Variants in SCAPER observed in about 807,000 individuals in gnomAD.
SCAPER encodes S phase cyclin A-associated protein in the endoplasmic reticulum.
A neutral mutation model predicts 182.2 loss-of-function variants in SCAPER; 98 were observed. The ratio of observed to expected loss-of-function variants is 0.54; its 90% CI spans 0.46 to 0.64. The LOEUF is 0.64. Ranked by LOEUF, SCAPER falls within the 30% of genes least tolerant of loss-of-function variation. The probability of loss-of-function intolerance (pLI) is 0.00; values close to 1 mark genes in which losing one functional copy is unlikely to be tolerated. For synonymous variants in SCAPER, 605 were observed against 564.6 expected, an observed-to-expected ratio of 1.07 and a Z score of -1.01; for missense variants, 1,432 against 1,690.0, an observed-to-expected ratio of 0.85 and a Z score of 2.68.
intron 21 of SCAPER, among the ~76,000 whole-genome samples, chr15:76,652,489 C>T (rs2055233643): frequency 1.1e-5 from 1 of 93,068 alleles, no homozygotes; most frequent in South Asian, 4.0e-4. Flanking sequence ...CGTGTCTTTG[C>T]TAAATATATA....
In SCAPER at chr15:76,365,391, G is replaced by C. The variant is rs145921923; in HGVS notation, c.3855+10771C>G. On this transcript the variant is annotated intron_variant, in intron 29 of 31. Transcript: ENST00000563290. ...TAGGGCCTCTTTTTCCTTCTTTCATGTTGTCTATTCTGTGAGAAGAGTTAC... is the reference window on the plus strand; with the variant it reads ...TAGGGCCTCTTTTTCCTTCTTTCATCTTGTCTATTCTGTGAGAAGAGTTAC... 4.6e-3 allele frequency among the ~76,000 whole-genome samples: 703 copies of C among 152,280 alleles called. 27 individuals carry two copies. Among genetic ancestry groups the C allele is most frequent in the Admixed American group, 0.04 (613 of 15,298 alleles).
chr15:76,615,234 C>T (rs140483369), intron 22 of SCAPER, among the ~76,000 whole-genome samples: 218 of 151,870 alleles, frequency 1.4e-3, no homozygotes, highest in Non-Finnish European at 2.3e-3. Context: ...TGCTTGAGCC[C>T]AGGAGTTCAA....
At chr15:76,564,172 C>T (rs1252211700) in intron 23 of SCAPER, among the ~76,000 whole-genome samples, 1 of 152,012 alleles carries the variant, frequency 6.6e-6, no homozygotes. Context: ...CCAGGGCAAT[C>T]AGGCAAGAGA....
chr15:76,849,017 C>T (rs1404988530), intron 4 of SCAPER, among the ~76,000 whole-genome samples: 1 of 152,170 alleles, frequency 6.6e-6, no homozygotes, highest in African/African-American at 2.4e-5. Context: ...AGTGCTATCC[C>T]TCCTGCCCTT....
chr15:76,370,310 T>TTGTTTTG (rs1555414225), intron 29 of SCAPER, among the ~76,000 whole-genome samples: 54 of 137,350 alleles, frequency 3.9e-4, no homozygotes, highest in Admixed American at 2.3e-3. Flanking sequence ...TTTTTTTTTT[T>TTGTTTTG]TTTTTTGTTT....
intron 24 of SCAPER, among the ~76,000 whole-genome samples, chr15:76,490,595 C>T (rs2052199034): frequency 6.6e-6 from 1 of 152,040 alleles, no homozygotes; most frequent in African/African-American, 2.4e-5. Flanking sequence ...TGTAGATTGC[C>T]TTTTCATTCT....
chr15:76,500,515 T>A (rs1310853169), intron 24 of SCAPER, among the ~76,000 whole-genome samples: 1 of 152,144 alleles, frequency 6.6e-6, no homozygotes, highest in African/African-American at 2.4e-5. Flanking sequence ...GAGGGCCAGT[T>A]TAGTGCCACC....
At chr15:76,650,544 G>T (rs1369967829) in intron 21 of SCAPER, among the ~76,000 whole-genome samples, 3 of 151,828 alleles carry the variant, frequency 2.0e-5, no homozygotes, top group African/African-American at 7.2e-5. Flanking sequence ...AAACCTGAAG[G>T]AAGAAAATTT....
chr15:76,789,553 A>T (rs781558139), intron 8 of SCAPER, among the ~76,000 whole-genome samples: 1 of 152,206 alleles, frequency 6.6e-6, no homozygotes, highest in African/African-American at 2.4e-5. Context: ...CAAACTAGGA[A>T]CTATAACTTA....
chr15:76,524,689 GTTTTTTTTTTTTTTT>G (rs35944222), intron 23 of SCAPER, among the ~76,000 whole-genome samples: 43 of 50,120 alleles, frequency 8.6e-4, no homozygotes, highest in African/African-American at 3.5e-3. Context: ...TTTTTGTTCT[GTTTTTTTTTTTTTTT>G]TTTTTTTTTT....
intron 26 of SCAPER, among the ~76,000 whole-genome samples, chr15:76,407,381 TG>T (rs1256265544): frequency 6.6e-6 from 1 of 152,218 alleles, no homozygotes; most frequent in East Asian, 1.9e-4. Flanking sequence ...ATATGTGGTC[TG>T]TTGTTGACTA....
intron 10 of SCAPER, among the ~76,000 whole-genome samples, chr15:76,768,009 C>T (rs556320383): frequency 3.9e-5 from 6 of 152,058 alleles, no homozygotes; most frequent in South Asian, 4.1e-4. Context: ...TTCATCAAGA[C>T]GACAAAACAG....
Position 76,497,782 on chromosome 15 carries a change from C to G in SCAPER, c.2954+7077G>C, listed in dbSNP as rs573532911. ...CCGAGGTGGGTGGATCATGAGGTCA[C>G]GAGATCGAGACCAGCCTGACCAACA... On this transcript the variant is annotated intron_variant, in intron 24 of 31. Transcript: ENST00000563290. Among the ~76,000 whole-genome samples the G allele has an allele frequency of 9.7e-4, 147 of 151,578 alleles. 3 individuals carry two copies. The highest frequency in any genetic ancestry group is 3.4e-3 in the Middle Eastern group (1 of 292).
intron 25 of SCAPER, among the ~76,000 whole-genome samples, chr15:76,461,674 G>A (rs1053801449): frequency 6.6e-6 from 1 of 152,090 alleles, no homozygotes; most frequent in Non-Finnish European, 1.5e-5. Flanking sequence ...TCATAAAGTT[G>A]TTTTAATATC....
At chr15:76,567,370 G>C (rs1047945317) in intron 23 of SCAPER, 10 of 454,144 alleles carry the variant, frequency 2.2e-5, no homozygotes, top group Non-Finnish European at 2.7e-5. Context: ...TATCTTGCCT[G>C]GTGGATATAT....
Position 76,729,807 on chromosome 15 carries a change from A to G in SCAPER, c.2023-1070T>C, listed in dbSNP as rs993631417. 2.6e-5 allele frequency among the ~76,000 whole-genome samples: 4 copies of G among 152,036 alleles called. No individual in the cohort carries two copies. In the East Asian group the frequency reaches 7.7e-4, roughly 29 times the overall value. ...ATAATTATCATCATCATCATCATCA[A>G]GCCAGAAGATAAATCATGAAAACTG... On this transcript the variant is annotated intron_variant, in intron 16 of 31. Transcript: ENST00000563290.
intron 14 of SCAPER, among the ~76,000 whole-genome samples, chr15:76,758,122 TTTG>T (rs1407863716): frequency 3.9e-5 from 6 of 152,188 alleles, no homozygotes; most frequent in African/African-American, 9.6e-5. Flanking sequence ...TAATTTTGCT[TTTG>T]TTGACTGTGT....
At chr15:76,427,841 G>A (rs1034712489) in intron 26 of SCAPER, among the ~76,000 whole-genome samples, 11 of 151,972 alleles carry the variant, frequency 7.2e-5, no homozygotes, top group Non-Finnish European at 1.6e-4. Flanking sequence ...CCTGAGGCAG[G>A]GGCATCACTT....
At chr15:76,594,638 A>G (rs770285207) in intron 22 of SCAPER, among the ~76,000 whole-genome samples, 2 of 121,374 alleles carry the variant, frequency 1.6e-5, no homozygotes, top group Non-Finnish European at 4.0e-5. Flanking sequence ...CTCTGCAGAA[A>G]CTCTACAAGC....
Sources: gnomAD v4.1 joint callset for allele counts (sites outside exome capture counted in the v4.1 genomes callset) on GRCh38, gnomAD v4.1.1 for gene constraint, MANE v1.5 for transcripts, NCBI Gene and HGNC (gene_info 2026-07-23, HGNC 2026-07-21) for gene names.